The following PLCL2 variants were observed in gnomAD, a reference collection of about 807,000 sequenced individuals.
PLCL2 encodes the protein phospholipase C like 2, also known as inactive phospholipase C-like protein 2.
A neutral mutation model predicts 79.6 loss-of-function variants in PLCL2; 4 were observed. That is an observed-to-expected ratio of 0.05 (90% confidence interval 0.02 to 0.11). The LOEUF (loss-of-function observed/expected upper bound fraction) is 0.11. PLCL2 is among the 10% of genes least tolerant of loss of function. The pLI, the probability that PLCL2 is intolerant of heterozygous loss-of-function variation, is 1.00. For missense variants in PLCL2, 895 were observed against 1,291.0 expected (o/e 0.69, Z 4.70); for synonymous variants, 484 against 457.7 (o/e 1.06, Z -0.73).
At chr3:16,900,393 A>C (rs540065286) in intron 1 of PLCL2, among the ~76,000 whole-genome samples, 25 of 152,214 alleles carry the variant, frequency 1.6e-4, no homozygotes, top group Non-Finnish European at 2.9e-4. Context: ...CAGAAGAAAG[A>C]AGCTATAAAC....
At chr3:16,968,932 A>G (rs2063832031) in intron 1 of PLCL2, among the ~76,000 whole-genome samples, 1 of 152,078 alleles carries the variant, frequency 6.6e-6, no homozygotes, top group African/African-American at 2.4e-5. Flanking sequence ...TTCAAAGCCT[A>G]GTTTATGGAG....
At position 16,941,678 on chromosome 3, in the gene PLCL2, A is replaced by G. The variant is rs977783516; in HGVS notation, c.327+56312A>G. On this transcript the variant is annotated intron_variant, in intron 1 of 5. Transcript: ENST00000615277. ...TCTCAGCACAAACTTCATCTTCATA[A>G]TCTTGGCTGGGCTGAGGGCCCCTCC... 4.6e-5 allele frequency among the ~76,000 whole-genome samples: 7 copies of G among 152,128 alleles called. No homozygotes were observed. The East Asian group carries it at 5.8e-4, about 13-fold the overall frequency.
chr3:17,033,909 G>A (rs2064613419), intron 3 of PLCL2, among the ~76,000 whole-genome samples: 1 of 151,956 alleles, frequency 6.6e-6, no homozygotes, highest in South Asian at 2.1e-4. Flanking sequence ...TTTTAGTGTT[G>A]TGCCCCTAAC....
At chr3:16,890,362 C>G (rs1315963585) in intron 1 of PLCL2, among the ~76,000 whole-genome samples, 5 of 152,166 alleles carry the variant, frequency 3.3e-5, no homozygotes, top group Non-Finnish European at 1.5e-5. Context: ...AATGTTCTAT[C>G]CCAGAATCTG....
At chr3:16,981,105 C>T (rs927213111) in intron 1 of PLCL2, among the ~76,000 whole-genome samples, 4 of 152,246 alleles carry the variant, frequency 2.6e-5, no homozygotes, top group South Asian at 2.1e-4. Flanking sequence ...AGCTTCGGCT[C>T]GGCATCAGAG....
At chr3:16,953,531 T>G (rs2124961405) in intron 1 of PLCL2, among the ~76,000 whole-genome samples, 1 of 152,258 alleles carries the variant, frequency 6.6e-6, no homozygotes, top group South Asian at 2.1e-4. Flanking sequence ...AAAAATCTCT[T>G]TTTCATGGAT....
chr3:16,911,238 G>A (rs1696874495), intron 1 of PLCL2, among the ~76,000 whole-genome samples: 1 of 137,804 alleles, frequency 7.3e-6, no homozygotes. Context: ...GGGCCACAGA[G>A]CAAGACTCTG....
At chr3:16,915,163 A>T (rs559265125) in intron 1 of PLCL2, among the ~76,000 whole-genome samples, 49 of 152,364 alleles carry the variant, frequency 3.2e-4, no homozygotes, top group African/African-American at 1.2e-3. Flanking sequence ...TAATGTGGTA[A>T]AACAAAATTA....
intron 5 of PLCL2, among the ~76,000 whole-genome samples, chr3:17,075,977 T>G (rs1471343523): frequency 6.6e-6 from 1 of 152,248 alleles, no homozygotes; most frequent in Non-Finnish European, 1.5e-5. Context: ...AAACCTGCAA[T>G]GAACATTCAC....
intron 1 of PLCL2, among the ~76,000 whole-genome samples, chr3:16,948,776 T>A (rs544650249): frequency 6.6e-6 from 1 of 152,338 alleles, no homozygotes; most frequent in Non-Finnish European, 1.5e-5. Context: ...ATTGTACTTA[T>A]CTACCAGAGA....
intron 1 of PLCL2, among the ~76,000 whole-genome samples, chr3:16,918,271 A>G (rs1266945725): frequency 1.3e-5 from 2 of 151,912 alleles, no homozygotes; most frequent in Non-Finnish European, 2.9e-5. Context: ...AAAACAATAG[A>G]TAGTTTTTGT....
At chr3:17,036,861 G>A (rs2064662360) in intron 3 of PLCL2, among the ~76,000 whole-genome samples, 1 of 152,174 alleles carries the variant, frequency 6.6e-6, no homozygotes, top group Non-Finnish European at 1.5e-5. Flanking sequence ...TCTTCTGAGT[G>A]GCTCCTCACG....
At chr3:16,942,751 A>G (rs2063563599) in intron 1 of PLCL2, among the ~76,000 whole-genome samples, 1 of 152,128 alleles carries the variant, frequency 6.6e-6, no homozygotes, top group South Asian at 2.1e-4. Context: ...CACCTCCTTA[A>G]AAGCAAAGAA....
chr3:16,907,334 C>T (rs866858871), intron 1 of PLCL2, among the ~76,000 whole-genome samples: 13 of 152,172 alleles, frequency 8.5e-5, no homozygotes, highest in Non-Finnish European at 7.4e-5. Flanking sequence ...AACAACACAA[C>T]TTTATAGGAC....
chr3:16,969,537 C>T (rs2063837709), intron 1 of PLCL2, among the ~76,000 whole-genome samples: 1 of 151,942 alleles, frequency 6.6e-6, no homozygotes, highest in Non-Finnish European at 1.5e-5. Context: ...TAGAGGTTTT[C>T]ATAGTAGTCT....
At chr3:16,953,442 C>G (rs1483812613) in intron 1 of PLCL2, among the ~76,000 whole-genome samples, 1 of 152,114 alleles carries the variant, frequency 6.6e-6, no homozygotes, top group Non-Finnish European at 1.5e-5. Flanking sequence ...TATTTCCTTT[C>G]TGTGTGTGGT....
chr3:17,067,556 C>G (rs2124943051), intron 4 of PLCL2, among the ~76,000 whole-genome samples: 1 of 152,264 alleles, frequency 6.6e-6, no homozygotes, highest in South Asian at 2.1e-4. Context: ...CTTTCTATCC[C>G]TCGTCTCCAC....
At chr3:16,956,357 C>T (rs1445348414) in intron 1 of PLCL2, among the ~76,000 whole-genome samples, 1 of 152,108 alleles carries the variant, frequency 6.6e-6, no homozygotes, top group African/African-American at 2.4e-5. Context: ...GTTGAACCAG[C>T]CTTGCATCCC....
At chr3:16,998,605 G>A (rs778997125) in intron 1 of PLCL2, among the ~76,000 whole-genome samples, 6 of 152,180 alleles carry the variant, frequency 3.9e-5, no homozygotes, top group African/African-American at 1.2e-4. Context: ...GGTGCTTACC[G>A]TTAAGTTTTT....
Sources: gnomAD v4.1 joint callset for allele counts (sites outside exome capture counted in the v4.1 genomes callset) on GRCh38, gnomAD v4.1.1 for gene constraint, MANE v1.5 for transcripts, NCBI Gene and HGNC (gene_info 2026-07-23, HGNC 2026-07-21) for gene names.